APP: variants seen among roughly 807,000 people sequenced by gnomAD.
The protein encoded by APP is amyloid-beta precursor protein.
Under a neutral mutation model 101.4 loss-of-function variants are expected in APP, and 31 were observed. That is an observed-to-expected ratio of 0.31 (90% CI 0.23 to 0.41). APP has a LOEUF of 0.41. Among genes scored for constraint, APP ranks in the 10% least tolerant of loss-of-function variants. APP has a pLI of 1.00. For missense variants in APP, 839 were observed against 1,003.7 expected (o/e 0.84, Z 2.22); for synonymous variants, 366 against 364.4 (o/e 1.00, Z -0.05).
At chr21:25,913,763 C>T (rs561834085) in intron 13 of APP, among the ~76,000 whole-genome samples, 1 of 152,236 alleles carries the variant, frequency 6.6e-6, no homozygotes, top group East Asian at 1.9e-4. Flanking sequence ...TATCTTCTTC[C>T]CTGTGACATC....
intron 6 of APP, among the ~76,000 whole-genome samples, chr21:26,017,239 G>A (rs1251504047): frequency 7.2e-6 from 1 of 138,612 alleles, no homozygotes; most frequent in Non-Finnish European, 1.5e-5. Flanking sequence ...TAGAGATCTT[G>A]GCTTTAAACG....
At chr21:25,887,644 T>C (rs867229276) in intron 17 of APP, among the ~76,000 whole-genome samples, 3 of 151,548 alleles carry the variant, frequency 2.0e-5, no homozygotes, top group Admixed American at 6.6e-5. Context: ...ACCAAACATA[T>C]GATGGTGGCC....
At position 25,927,882 on chromosome 21, in the gene APP, G is replaced by GT. The variant is rs528406123; in HGVS notation, c.1688-15921dup. Among the ~76,000 whole-genome samples, 186 of 152,296 alleles carry GT rather than the reference G, an allele frequency of 1.2e-3. 1 individual carries two copies. Among genetic ancestry groups the GT allele is most frequent in the Middle Eastern group, 6.8e-3 (2 of 294 alleles). Reference sequence around the variant, plus strand: ...TTAGACCTACCAGTGGCATCAGTCAGTAATCAAGATAAAGACCAGCCAGGC... The same window carrying GT: ...TTAGACCTACCAGTGGCATCAGTCAGTTAATCAAGATAAAGACCAGCCAGGC... On this transcript the variant is annotated intron_variant, in intron 13 of 17. Transcript: ENST00000346798.
At chr21:25,953,962 A>G (rs1479075347) in intron 13 of APP, among the ~76,000 whole-genome samples, 3 of 152,230 alleles carry the variant, frequency 2.0e-5, no homozygotes, top group African/African-American at 7.2e-5. Context: ...TTGTGAGAGT[A>G]CAATTATTTC....
intron 13 of APP, among the ~76,000 whole-genome samples, chr21:25,917,422 T>C (rs1601397484): frequency 6.6e-6 from 1 of 152,196 alleles, no homozygotes; most frequent in Non-Finnish European, 1.5e-5. Flanking sequence ...ATTTTGTTTT[T>C]TCTTAGATAT....
intron 14 of APP, among the ~76,000 whole-genome samples, chr21:25,910,524 T>C (rs1350670311): frequency 6.6e-6 from 1 of 152,218 alleles, no homozygotes; most frequent in Non-Finnish European, 1.5e-5. Context: ...AAAAAACATG[T>C]TATTTGTATC....
chr21:25,943,156 T>C (rs1472003222), intron 13 of APP: 2 of 149,096 alleles, frequency 1.3e-5, no homozygotes, highest in Non-Finnish European at 2.9e-5. Flanking sequence ...GCATCATATA[T>C]ATACTTCTTT....
intron 6 of APP, among the ~76,000 whole-genome samples, chr21:26,007,505 C>T (rs1402244024): frequency 6.8e-6 from 1 of 148,032 alleles, no homozygotes; most frequent in Non-Finnish European, 1.5e-5. Flanking sequence ...AATTTATATA[C>T]ATTTTATATA....
chr21:26,122,967 G>C (rs1417831832), intron 1 of APP, among the ~76,000 whole-genome samples: 1 of 152,012 alleles, frequency 6.6e-6, no homozygotes, highest in African/African-American at 2.4e-5. Context: ...TGGATGTAAA[G>C]ATAGTAAGAG....
intron 13 of APP, among the ~76,000 whole-genome samples, chr21:25,944,601 G>C (rs2040724994): frequency 6.6e-6 from 1 of 152,172 alleles, no homozygotes; most frequent in African/African-American, 2.4e-5. Context: ...GTTAGTGTTT[G>C]TGGAAACATA....
intron 8 of APP, among the ~76,000 whole-genome samples, chr21:25,985,969 C>T (rs4817079): frequency 0.16 from 25,031 of 152,088 alleles, 2,266 homozygotes; most frequent in South Asian, 0.32. Context: ...ATTACTACTG[C>T]TCTGCAGCTG....
At chr21:25,928,366 C>CAAACAAAA (rs1555897431) in intron 13 of APP, among the ~76,000 whole-genome samples, 5 of 151,566 alleles carry the variant, frequency 3.3e-5, no homozygotes, top group African/African-American at 9.7e-5. Context: ...AACAAACAAA[C>CAAACAAAA]AAACAAAAAA....
chr21:26,117,366 G>C (rs1308521185), intron 1 of APP, among the ~76,000 whole-genome samples: 6 of 152,262 alleles, frequency 3.9e-5, no homozygotes, highest in Non-Finnish European at 8.8e-5. Flanking sequence ...GAAAATCTGA[G>C]TGAACCCCTT....
chr21:26,080,360 CAA>C (rs2061572742), intron 3 of APP, among the ~76,000 whole-genome samples: 1 of 152,058 alleles, frequency 6.6e-6, no homozygotes, highest in Non-Finnish European at 1.5e-5. Context: ...CATGAATAAC[CAA>C]AGTCGCAGGT....
intron 2 of APP, among the ~76,000 whole-genome samples, chr21:26,093,229 T>C (rs2061865054): frequency 6.6e-6 from 1 of 152,154 alleles, no homozygotes; most frequent in African/African-American, 2.4e-5. Flanking sequence ...TCTTTACTTG[T>C]TTATTAGATC....
chr21:25,953,753 T>C (rs1346540331), intron 13 of APP, among the ~76,000 whole-genome samples: 1 of 152,228 alleles, frequency 6.6e-6, no homozygotes, highest in Non-Finnish European at 1.5e-5. Context: ...TGGTATTTTA[T>C]TCTCTTTCCA....
chr21:25,894,208 C>T (rs1314253993), intron 16 of APP, among the ~76,000 whole-genome samples: 1 of 152,182 alleles, frequency 6.6e-6, no homozygotes, highest in Non-Finnish European at 1.5e-5. Flanking sequence ...CTCTGAAGGA[C>T]AGGTACAGGG....
At position 25,900,689 on chromosome 21, in the gene APP, T is replaced by C. The variant is rs529457290; in HGVS notation, c.1964-3016A>G. Among the ~76,000 whole-genome samples, 12 of 152,132 alleles carry C rather than the reference T, an allele frequency of 7.9e-5. 2 individuals are homozygous for C. The South Asian group carries it at 2.5e-3, about 32-fold the overall frequency. On this transcript the variant is annotated intron_variant, in intron 15 of 17. Coordinates refer to ENST00000346798, the MANE Select transcript of APP (RefSeq NM_000484.4). ...TTTAGATTTTGGAGCCAAATATTTATACTGAAAAATAAAAGTAAAGAATGA... is the reference window on the plus strand; with the variant it reads ...TTTAGATTTTGGAGCCAAATATTTACACTGAAAAATAAAAGTAAAGAATGA...
intron 1 of APP, among the ~76,000 whole-genome samples, chr21:26,143,302 G>A (rs2063086578): frequency 6.6e-6 from 1 of 152,076 alleles, no homozygotes; most frequent in Non-Finnish European, 1.5e-5. Flanking sequence ...GCAAGACCCA[G>A]TCTTAAAAAA....
Sources: allele counts gnomAD v4.1 joint callset (sites outside exome capture counted in the v4.1 genomes callset), GRCh38; gene constraint gnomAD v4.1.1; transcripts MANE v1.5; gene names NCBI Gene and HGNC (gene_info 2026-07-23, HGNC 2026-07-21).